GRIP1: variants seen among roughly 807,000 people sequenced by gnomAD.
The protein encoded by GRIP1 is glutamate receptor-interacting protein 1.
A neutral mutation model predicts 129.9 loss-of-function variants in GRIP1; 45 were observed. The observed-to-expected ratio is 0.35, with a 90% CI of 0.27 to 0.44. GRIP1 has a LOEUF of 0.44. Ranked by LOEUF, GRIP1 falls within the 20% of genes least tolerant of loss-of-function variation. GRIP1 has a pLI of 1.00. For synonymous variants in GRIP1, 530 were observed against 520.8 expected, an observed-to-expected ratio of 1.02 and a Z score of -0.24; for missense variants, 1,196 against 1,396.8, an observed-to-expected ratio of 0.86 and a Z score of 2.29.
intron 1 of GRIP1, among the ~76,000 whole-genome samples, chr12:66,666,271 A>T (rs185085268): frequency 6.6e-6 from 1 of 152,110 alleles, no homozygotes; most frequent in African/African-American, 2.4e-5. Context: ...AAAGCAGGAG[A>T]TGCATTCTAT....
At chr12:66,563,891 A>G (rs540841058) in intron 2 of GRIP1, 1 of 152,448 alleles carries the variant, frequency 6.6e-6, no homozygotes, top group African/African-American at 2.4e-5. Context: ...CCAAAGGGAG[A>G]ATGTTTGTTG....
At chr12:66,960,819 A>G (rs1045876294) in intron 1 of GRIP1, among the ~76,000 whole-genome samples, 17 of 152,134 alleles carry the variant, frequency 1.1e-4, no homozygotes, top group African/African-American at 4.1e-4. Context: ...CAGTAGTGCC[A>G]AGGCTGAGAA....
At chr12:66,734,624 T>C (rs2036539250) in intron 1 of GRIP1, among the ~76,000 whole-genome samples, 1 of 152,264 alleles carries the variant, frequency 6.6e-6, no homozygotes, top group East Asian at 1.9e-4. Flanking sequence ...AGGAACAAGA[T>C]ATTTTAAGAT....
chr12:67,044,841 G>A (rs1025839370), intron 1 of GRIP1, among the ~76,000 whole-genome samples: 1 of 152,196 alleles, frequency 6.6e-6, no homozygotes, highest in African/African-American at 2.4e-5. Context: ...TCCAGAAGGA[G>A]AGACTGAAAT....
At chr12:66,894,330 G>A (rs78694533) in intron 1 of GRIP1, among the ~76,000 whole-genome samples, 234 of 152,100 alleles carry the variant, frequency 1.5e-3, no homozygotes, top group African/African-American at 5.2e-3. Flanking sequence ...ACCCAACAGC[G>A]TCTACCCCCT....
At chr12:66,574,253 C>A (rs1163421714) in intron 2 of GRIP1, among the ~76,000 whole-genome samples, 1 of 152,184 alleles carries the variant, frequency 6.6e-6, no homozygotes, top group Non-Finnish European at 1.5e-5. Context: ...TCTTTCCTGT[C>A]ATTATAGCGG....
At chr12:66,429,574 T>C (rs1426956584) in intron 14 of GRIP1, among the ~76,000 whole-genome samples, 1 of 152,092 alleles carries the variant, frequency 6.6e-6, no homozygotes, top group Non-Finnish European at 1.5e-5. Flanking sequence ...CTCATGCCTG[T>C]AGTCCCAGAC....
chr12:66,654,676 G>A (rs2033029539), intron 1 of GRIP1, among the ~76,000 whole-genome samples: 1 of 152,210 alleles, frequency 6.6e-6, no homozygotes, highest in African/African-American at 2.4e-5. Flanking sequence ...TTACTGGAAG[G>A]AGGAGAGGAG....
chr12:66,487,570 C>A (rs1323554100), intron 7 of GRIP1, among the ~76,000 whole-genome samples: 1 of 152,160 alleles, frequency 6.6e-6, no homozygotes, highest in African/African-American at 2.4e-5. Flanking sequence ...GAAGCAACCA[C>A]ATAAACAAGT....
At chr12:67,031,496 G>T (rs1467807627) in intron 1 of GRIP1, among the ~76,000 whole-genome samples, 2 of 152,082 alleles carry the variant, frequency 1.3e-5, no homozygotes, top group African/African-American at 4.8e-5. Context: ...TTTTTGAGGT[G>T]ACTCCAATAT....
intron 7 of GRIP1, among the ~76,000 whole-genome samples, chr12:66,497,185 G>T (rs2060260842): frequency 6.6e-6 from 1 of 152,226 alleles, no homozygotes; most frequent in Non-Finnish European, 1.5e-5. Context: ...GGTACTTATT[G>T]TCTAATGAAA....
chr12:67,056,473 T>C (rs538586873), intron 1 of GRIP1, among the ~76,000 whole-genome samples: 10 of 152,144 alleles, frequency 6.6e-5, no homozygotes, highest in African/African-American at 2.4e-4. Context: ...TAGTTGAAAG[T>C]ATGGTAGCTC....
At chr12:66,472,944 C>A (rs928976053) in intron 7 of GRIP1, among the ~76,000 whole-genome samples, 3 of 151,800 alleles carry the variant, frequency 2.0e-5, no homozygotes, top group African/African-American at 7.3e-5. Context: ...TTTTTTCATA[C>A]CCCAGTGGTG....
chr12:66,820,855 A>C (rs144776769), intron 1 of GRIP1, among the ~76,000 whole-genome samples: 3,442 of 152,074 alleles, frequency 0.023, 83 homozygotes, highest in Middle Eastern at 0.058. Flanking sequence ...AATCAGAAGG[A>C]GGGGTGGATA....
intron 1 of GRIP1, among the ~76,000 whole-genome samples, chr12:67,023,917 A>AT (rs201735587): frequency 0.019 from 2,854 of 151,460 alleles, 87 homozygotes; most frequent in African/African-American, 0.063. Flanking sequence ...CTTTTCTTTG[A>AT]TTTTTTTTCT....
chr12:66,377,454 A>G (rs967266958), intron 20 of GRIP1, among the ~76,000 whole-genome samples, 169 bp from the exon 21 acceptor site: 1 of 149,564 alleles, frequency 6.7e-6, no homozygotes, highest in African/African-American at 2.5e-5. Flanking sequence ...CAGCCTCCCG[A>G]GTAGCTGGGA....
At chr12:66,525,790 T>G (rs2061211925) in intron 5 of GRIP1, among the ~76,000 whole-genome samples, 1 of 152,168 alleles carries the variant, frequency 6.6e-6, no homozygotes, top group Non-Finnish European at 1.5e-5. Context: ...CCCCATCGTC[T>G]CAGCCCAAAA....
chr12:66,432,448 C>A, intron 14 of GRIP1, 100 bp downstream of exon 14: 1 of 718,102 alleles, frequency 1.4e-6, no homozygotes, highest in South Asian at 1.6e-5. Flanking sequence ...ATAAAAACTT[C>A]GCAAAGACAT....
intron 23 of GRIP1, among the ~76,000 whole-genome samples, chr12:66,360,364 C>T (rs1056068279): frequency 1.3e-5 from 2 of 152,062 alleles, no homozygotes; most frequent in Admixed American, 6.6e-5. Flanking sequence ...GCTCACCAAC[C>T]TGTCAGTTGG....
Sources: allele counts gnomAD v4.1 joint callset (sites outside exome capture counted in the v4.1 genomes callset), GRCh38; gene constraint gnomAD v4.1.1; transcripts MANE v1.5; gene names NCBI Gene and HGNC (gene_info 2026-07-23, HGNC 2026-07-21).